Variants in ENTREP2 observed in about 807,000 individuals in gnomAD.
The protein encoded by ENTREP2 is endosomal transmembrane epsin interactor 2, also known as protein ENTREP2.
At chr15:29,336,694 G>C in the ENTREP2 span, among the ~76,000 whole-genome samples, 63 of 152,144 alleles carry the variant, frequency 4.1e-4, no homozygotes, top group African/African-American at 1.5e-3. Flanking sequence ...CCGTTTTCAC[G>C]TGCTCACGTA....
the ENTREP2 span, among the ~76,000 whole-genome samples, chr15:29,602,016 T>A: frequency 6.6e-6 from 1 of 152,216 alleles, no homozygotes; most frequent in Admixed American, 6.5e-5. Context: ...GACTCACAGT[T>A]AATATGCCAT....
chr15:29,447,288 T>C, the ENTREP2 span, among the ~76,000 whole-genome samples: 2 of 152,260 alleles, frequency 1.3e-5, no homozygotes, highest in East Asian at 3.9e-4. Flanking sequence ...GAAGTCATTC[T>C]GGGATTAGAT....
chr15:29,191,702 T>C, the ENTREP2 span, among the ~76,000 whole-genome samples: 1 of 152,174 alleles, frequency 6.6e-6, no homozygotes, highest in Non-Finnish European at 1.5e-5. Flanking sequence ...CAGGATCACT[T>C]GAGCCCAGGA....
chr15:29,254,794 T>C, the ENTREP2 span, among the ~76,000 whole-genome samples: 109,448 of 152,040 alleles, frequency 0.72, 40,362 homozygotes, highest in Middle Eastern at 0.82. Flanking sequence ...GAGGTGGAGG[T>C]TGCAGTGAGC....
the ENTREP2 span, among the ~76,000 whole-genome samples, chr15:29,591,409 T>TGTAG: frequency 6.6e-6 from 1 of 152,194 alleles, no homozygotes; most frequent in Non-Finnish European, 1.5e-5. Context: ...AGACCCCATA[T>TGTAG]GTAGGGCAGT....
At chr15:29,170,200 C>T in the ENTREP2 span, among the ~76,000 whole-genome samples, 1 of 149,926 alleles carries the variant, frequency 6.7e-6, no homozygotes, top group Non-Finnish European at 1.5e-5. Context: ...CCCAGCTACT[C>T]AGGAGGCTGA....
chr15:29,590,663 G>A, the ENTREP2 span, among the ~76,000 whole-genome samples: 378 of 110,214 alleles, frequency 3.4e-3, 2 homozygotes, highest in Middle Eastern at 0.033. Context: ...CAGCCTGGGC[G>A]ACAGAGCAAG....
At chr15:29,652,675 T>A in the ENTREP2 span, among the ~76,000 whole-genome samples, 1 of 152,240 alleles carries the variant, frequency 6.6e-6, no homozygotes, top group Non-Finnish European at 1.5e-5. Context: ...GCTTGTGGTG[T>A]GCCTCCTCCA....
At chr15:29,502,712 A>G in the ENTREP2 span, among the ~76,000 whole-genome samples, 1 of 152,092 alleles carries the variant, frequency 6.6e-6, no homozygotes, top group Non-Finnish European at 1.5e-5. Context: ...TCTAGTAACC[A>G]GCATATATAA....
At chr15:29,469,729 G>C in the ENTREP2 span, among the ~76,000 whole-genome samples, 1 of 152,050 alleles carries the variant, frequency 6.6e-6, no homozygotes, top group African/African-American at 2.4e-5. Context: ...AAGAGGATCA[G>C]TTTCACATAT....
chr15:29,402,265 T>TATATATATATATATAC, the ENTREP2 span, among the ~76,000 whole-genome samples: 195 of 137,842 alleles, frequency 1.4e-3, 3 homozygotes, highest in East Asian at 0.017. Context: ...TATATATATA[T>TATATATATATATATAC]ACACACACAT....
At chr15:29,299,771 T>C in the ENTREP2 span, among the ~76,000 whole-genome samples, 18 of 152,350 alleles carry the variant, frequency 1.2e-4, no homozygotes, top group Admixed American at 2.6e-4. Context: ...AGGTATATTT[T>C]GTCTAATTTT....
chr15:29,460,921 T>C, the ENTREP2 span, among the ~76,000 whole-genome samples: 1 of 152,176 alleles, frequency 6.6e-6, no homozygotes, highest in Non-Finnish European at 1.5e-5. Context: ...AGAAAAGTGA[T>C]TCAGCTTTAC....
At chr15:29,489,845 C>G in the ENTREP2 span, among the ~76,000 whole-genome samples, 1 of 152,198 alleles carries the variant, frequency 6.6e-6, no homozygotes, top group Non-Finnish European at 1.5e-5. Flanking sequence ...GCAGTTCTTC[C>G]AACTAGGCTG....
At chr15:29,148,471 G>A in the ENTREP2 span, among the ~76,000 whole-genome samples, 2 of 152,276 alleles carry the variant, frequency 1.3e-5, no homozygotes, top group African/African-American at 4.8e-5. Flanking sequence ...GTTGTATGTG[G>A]ACATAACCTA....
the ENTREP2 span, among the ~76,000 whole-genome samples, chr15:29,251,744 CTTTTTTT>C: frequency 1.0e-5 from 1 of 97,856 alleles, no homozygotes; most frequent in African/African-American, 4.2e-5. Flanking sequence ...TTTTTTGTGA[CTTTTTTT>C]TTTTTTTTTT....
chr15:29,184,230 C>A, the ENTREP2 span, among the ~76,000 whole-genome samples: 3 of 152,070 alleles, frequency 2.0e-5, no homozygotes, highest in Non-Finnish European at 4.4e-5. Flanking sequence ...AGCGATCCGC[C>A]GGCCTCGGCC....
At chr15:29,307,835 C>T in the ENTREP2 span, among the ~76,000 whole-genome samples, 2 of 152,282 alleles carry the variant, frequency 1.3e-5, no homozygotes, top group African/African-American at 4.8e-5. Context: ...GACCATGCTG[C>T]CACTTTAATC....
the ENTREP2 span, among the ~76,000 whole-genome samples, chr15:29,431,853 A>G: frequency 6.6e-6 from 1 of 152,246 alleles, no homozygotes; most frequent in East Asian, 1.9e-4. Flanking sequence ...TCCAGGTCTG[A>G]GAACCCTCAT....
Sources: gnomAD v4.1 joint callset for allele counts (sites outside exome capture counted in the v4.1 genomes callset) on GRCh38, gnomAD v4.1.1 for gene constraint, MANE v1.5 for transcripts, NCBI Gene and HGNC (gene_info 2026-07-23, HGNC 2026-07-21) for gene names.